Variants in ZMIZ1 observed in about 807,000 individuals in gnomAD.
ZMIZ1 encodes zinc finger MIZ domain-containing protein 1.
A neutral mutation model predicts 113.9 loss-of-function variants in ZMIZ1; 17 were observed. That is an observed-to-expected ratio of 0.15 (90% CI 0.10 to 0.22). The LOEUF is 0.22. ZMIZ1 is among the 10% of genes least tolerant of loss of function. ZMIZ1 has a pLI of 1.00. For missense variants in ZMIZ1, 1,059 were observed against 1,477.8 expected (o/e 0.72, Z 4.65); for synonymous variants, 607 against 603.1 (o/e 1.01, Z -0.09).
intron 3 of ZMIZ1, among the ~76,000 whole-genome samples, chr10:79,141,622 G>T (rs990106749): frequency 6.6e-6 from 1 of 152,130 alleles, no homozygotes; most frequent in Non-Finnish European, 1.5e-5. Flanking sequence ...TGCCCAGGCT[G>T]GTCTCGAACT....
At chr10:79,301,129 C>A (rs995668474) in intron 17 of ZMIZ1, among the ~76,000 whole-genome samples, 187 bp downstream of exon 17, 1 of 152,170 alleles carries the variant, frequency 6.6e-6, no homozygotes, top group Admixed American at 6.5e-5. Context: ...ACCTTCAAAC[C>A]GTTGGGCCTT....
Position 79,200,549 on chromosome 10 carries a change from C to T in ZMIZ1, c.-49-1035C>T, listed in dbSNP as rs116978162. On this transcript the variant is annotated intron_variant, in intron 4 of 24. Coordinates refer to ENST00000334512, the MANE Select transcript of ZMIZ1 (RefSeq NM_020338.4). The stretch of plus-strand genomic sequence containing the variant: ...CCTAGTGCCAAGCCATCCCTGCACC[C>T]GCACTGTCAGCCTTGCACAGTGGAA... 1.3e-4 allele frequency among the ~76,000 whole-genome samples: 20 copies of T among 152,370 alleles called. No homozygotes were observed. The East Asian group carries it at 2.5e-3, about 19-fold the overall frequency.
At chr10:79,164,231 T>C (rs1325238211) in intron 4 of ZMIZ1, among the ~76,000 whole-genome samples, 2 of 152,336 alleles carry the variant, frequency 1.3e-5, no homozygotes, top group Non-Finnish European at 2.9e-5. Context: ...CTCTTGACCA[T>C]TGGCTCCCTG....
intron 7 of ZMIZ1, among the ~76,000 whole-genome samples, chr10:79,233,286 C>T (rs1032815831): frequency 6.6e-6 from 1 of 152,238 alleles, no homozygotes; most frequent in East Asian, 1.9e-4. Context: ...CTGCCTTAGT[C>T]TGTTCAGGCT....
chr10:79,150,396 G>A (rs576399495), intron 3 of ZMIZ1, among the ~76,000 whole-genome samples: 6 of 152,218 alleles, frequency 3.9e-5, no homozygotes, highest in East Asian at 3.9e-4. Context: ...GGGCCTCCCC[G>A]TGGTGGCAGC....
chr10:79,182,876 A>C (rs1163709816), intron 4 of ZMIZ1, among the ~76,000 whole-genome samples: 1 of 152,142 alleles, frequency 6.6e-6, no homozygotes, highest in African/African-American at 2.4e-5. Flanking sequence ...TTAGATGTAC[A>C]CTGTTTTCCT....
chr10:79,305,999 G>T lies in ZMIZ1; in HGVS notation c.2424-101G>T, dbSNP rs116239363. On this transcript the variant is annotated intron_variant, in intron 21 of 24. Coordinates refer to ENST00000334512, the MANE Select transcript of ZMIZ1 (RefSeq NM_020338.4). Reference sequence around the variant, plus strand: ...CAGTGTGGTGAGAGTGGGAGCAGGGGCCTCAACAAGGTCACCTGGGTGTCT... The same window carrying T: ...CAGTGTGGTGAGAGTGGGAGCAGGGTCCTCAACAAGGTCACCTGGGTGTCT... The T allele has an allele frequency of 2.4e-3, 3,687 of 1,519,858 alleles. 91 individuals are homozygous for T. In the African/African-American group the frequency reaches 0.043, roughly 18 times the overall value. The allele number at this position is 1,519,858 out of a possible 1,614,324, so 94.1% of individuals were successfully genotyped here.
intron 1 of ZMIZ1, among the ~76,000 whole-genome samples, chr10:79,082,682 C>T (rs1842695536): frequency 1.3e-5 from 2 of 152,230 alleles, no homozygotes; most frequent in African/African-American, 4.8e-5. Context: ...CCGAGGCTGT[C>T]CTTGGCCTTC....
intron 4 of ZMIZ1, among the ~76,000 whole-genome samples, chr10:79,182,621 G>A (rs377629094): frequency 6.3e-4 from 96 of 152,336 alleles, no homozygotes; most frequent in African/African-American, 2.1e-3. Flanking sequence ...GTGGGTAAGC[G>A]TATGTATGCC....
chr10:79,288,184 A>C (rs1853212856), intron 8 of ZMIZ1, among the ~76,000 whole-genome samples: 1 of 152,222 alleles, frequency 6.6e-6, no homozygotes, highest in African/African-American at 2.4e-5. Context: ...CAGCATTGCC[A>C]AGAGCTCAGC....
At chr10:79,234,708 C>G (rs745897466) in intron 7 of ZMIZ1, among the ~76,000 whole-genome samples, 1 of 152,204 alleles carries the variant, frequency 6.6e-6, no homozygotes, top group Admixed American at 6.5e-5. Context: ...AGCGTCTTTG[C>G]CTTGACAAAA....
At chr10:79,165,746 G>A (rs887358442) in intron 4 of ZMIZ1, among the ~76,000 whole-genome samples, 2 of 152,074 alleles carry the variant, frequency 1.3e-5, no homozygotes, top group African/African-American at 2.4e-5. Flanking sequence ...CCGTGGTCAC[G>A]GGAGGGCATG....
chr10:79,263,217 C>G (rs763954947), intron 7 of ZMIZ1, among the ~76,000 whole-genome samples: 2 of 152,250 alleles, frequency 1.3e-5, no homozygotes, highest in Non-Finnish European at 2.9e-5. Context: ...GGCGTGGAGC[C>G]TGACCTCGTG....
intron 8 of ZMIZ1, among the ~76,000 whole-genome samples, 173 bp from the exon 9 acceptor site, chr10:79,289,602 C>T (rs1001931684): frequency 6.6e-6 from 1 of 152,196 alleles, no homozygotes; most frequent in African/African-American, 2.4e-5. Context: ...CCATGCAGGG[C>T]ACACTGTTGT....
At chr10:79,219,407 G>T (rs528049332) in intron 7 of ZMIZ1, among the ~76,000 whole-genome samples, 2 of 152,354 alleles carry the variant, frequency 1.3e-5, no homozygotes, top group Non-Finnish European at 2.9e-5. Flanking sequence ...TGGAAGCTCA[G>T]AGAGGTCCTA....
At chr10:79,099,605 C>T (rs1226224830) in intron 1 of ZMIZ1, among the ~76,000 whole-genome samples, 1 of 152,226 alleles carries the variant, frequency 6.6e-6, no homozygotes, top group Non-Finnish European at 1.5e-5. Flanking sequence ...CCCTTCAAAC[C>T]TCCCTGAGCC....
rs776287151 is a variant in ZMIZ1 at position 79,311,204 on chromosome 10, C to T, written c.3096+20C>T. 1.3e-6 allele frequency: 2 copies of T among 1,593,268 alleles called. No homozygotes were observed. Among genetic ancestry groups the T allele is most frequent in the South Asian group, 1.1e-5 (1 of 89,316 alleles). ...CTGGATGTAAGTTGGGGTCGCCACT[C>T]GCCTTGGCCTGGGGCTAGGCCTGGC... is the stretch of plus-strand genomic sequence containing the variant. On this transcript the variant is annotated intron_variant, in intron 24 of 24. Transcript: ENST00000334512.
Position 79,315,385 on chromosome 10 carries a change from G to A in ZMIZ1, c.*2636G>A, listed in dbSNP as rs1392716156. 1 of 152,846 alleles carries A rather than the reference G, an allele frequency of 6.5e-6. No individual in the cohort carries two copies. Among genetic ancestry groups the A allele is most frequent in the Non-Finnish European group, 1.5e-5 (1 of 68,084 alleles). The allele number at this position is 152,846 out of a possible 1,614,324, so 9.5% of individuals were successfully genotyped here. A position where few individuals can be genotyped will look rare whatever the true frequency, so the allele number is the denominator to read the frequency against. ...CAGAGATGGTCCTGAACTCTGGAGAGATCCTTCCCTGATCCTTTCGGACGA... is the reference window on the plus strand; with the variant it reads ...CAGAGATGGTCCTGAACTCTGGAGAAATCCTTCCCTGATCCTTTCGGACGA... On this transcript the variant is annotated 3_prime_UTR_variant, in exon 25 of 25. Coordinates refer to ENST00000334512, the MANE Select transcript of ZMIZ1 (RefSeq NM_020338.4).
chr10:79,097,242 T>C (rs1210877311), intron 1 of ZMIZ1, among the ~76,000 whole-genome samples: 1 of 152,174 alleles, frequency 6.6e-6, no homozygotes, highest in African/African-American at 2.4e-5. Flanking sequence ...TCACTGGCTA[T>C]TTCTGCCTCC....
Sources: allele counts gnomAD v4.1 joint callset (sites outside exome capture counted in the v4.1 genomes callset), GRCh38; gene constraint gnomAD v4.1.1; transcripts MANE v1.5; gene names NCBI Gene and HGNC (gene_info 2026-07-23, HGNC 2026-07-21).